FGF13: variants seen among roughly 807,000 people sequenced by gnomAD.
The protein encoded by FGF13 is fibroblast growth factor homologous factor 2.
In FGF13, 2 loss-of-function variants were observed where a neutral mutation model predicts 19.5. The ratio of observed to expected loss-of-function variants is 0.10; its 90% CI spans 0.04 to 0.32. The LOEUF is 0.32. FGF13 is among the 10% of genes least tolerant of loss of function. The pLI, the probability that FGF13 is intolerant of heterozygous loss-of-function variation, is 1.00. For synonymous variants in FGF13, 72 were observed against 76.9 expected, an observed-to-expected ratio of 0.94 and a Z score of 0.33; for missense variants, 113 against 192.7, an observed-to-expected ratio of 0.59 and a Z score of 2.45.
chrX:139,163,158 A>G (rs1022488599), intron 1 of FGF13, among the ~76,000 whole-genome samples: 18 of 112,248 alleles, frequency 1.6e-4, no homozygotes, highest in Non-Finnish European at 2.8e-4. Flanking sequence ...CCCATCAATG[A>G]TAGACTGGAT....
At chrX:138,908,139 C>T (rs1438044605) in intron 1 of FGF13, among the ~76,000 whole-genome samples, 2 of 53,564 alleles carry the variant, frequency 3.7e-5, no homozygotes, top group South Asian at 8.0e-4. Context: ...GGCGCTATCT[C>T]GGCTCACTGC....
At chrX:138,769,635 G>A (rs903942005) in intron 3 of FGF13, among the ~76,000 whole-genome samples, 2 of 112,320 alleles carry the variant, frequency 1.8e-5, no homozygotes, top group Admixed American at 9.4e-5. Context: ...TGAGATTAGC[G>A]TTGGTGTGGG....
At chrX:138,713,964 C>A (rs1006058948), upstream of FGF13, among the ~76,000 whole-genome samples, 9 of 111,442 alleles carry the variant, frequency 8.1e-5, no homozygotes, top group African/African-American at 2.9e-4. Flanking sequence ...TTGTAGATGT[C>A]CTTCTTGCTC....
intron 1 of FGF13, among the ~76,000 whole-genome samples, chrX:139,016,215 A>G (rs1194527665): frequency 8.9e-6 from 1 of 111,985 alleles, no homozygotes; most frequent in East Asian, 2.8e-4. Flanking sequence ...TCTCATTTAA[A>G]TGTGAATTAT....
chrX:139,064,590 C>T (rs1021190168), intron 1 of FGF13, among the ~76,000 whole-genome samples: 2 of 111,427 alleles, frequency 1.8e-5, no homozygotes, highest in Admixed American at 1.9e-4. Context: ...ACCTTTCTCT[C>T]TGGCTGATCT....
chrX:139,104,376 G>A (rs2083541783), intron 1 of FGF13, among the ~76,000 whole-genome samples: 1 of 109,377 alleles, frequency 9.1e-6, no homozygotes, highest in African/African-American at 3.3e-5. Context: ...AAGCAGAAGA[G>A]TGAAACTTAA....
chrX:138,947,450 T>A (rs980147690), intron 1 of FGF13, among the ~76,000 whole-genome samples: 1 of 111,257 alleles, frequency 9.0e-6, no homozygotes, highest in African/African-American at 3.3e-5. Flanking sequence ...TTTTCTCATA[T>A]GAAAATGGGG....
At chrX:138,978,453 G>A (rs1026892865) in intron 1 of FGF13, among the ~76,000 whole-genome samples, 7 of 109,930 alleles carry the variant, frequency 6.4e-5, no homozygotes, top group East Asian at 2.9e-4. Flanking sequence ...TAGTAGAGAC[G>A]GGGTTTCACC....
At chrX:138,750,491 G>A (rs1225371265) in intron 3 of FGF13, among the ~76,000 whole-genome samples, 1 of 110,699 alleles carries the variant, frequency 9.0e-6, no homozygotes, top group East Asian at 2.8e-4. Context: ...TTGTAAATGG[G>A]GGGGTGGGCT....
At chrX:138,852,952 G>GA (rs1293999251), downstream of FGF13, among the ~76,000 whole-genome samples, 90 of 104,574 alleles carry the variant, frequency 8.6e-4, no homozygotes, top group African/African-American at 2.7e-3. Flanking sequence ...AAACACATTA[G>GA]AAAAAAAAAA....
chrX:139,070,990 G>T (rs978275232), intron 1 of FGF13, among the ~76,000 whole-genome samples: 2 of 108,765 alleles, frequency 1.8e-5, no homozygotes, highest in Non-Finnish European at 3.8e-5. Context: ...CCTACTGGGG[G>T]GTGGAGGAGG....
intron 3 of FGF13, among the ~76,000 whole-genome samples, chrX:138,843,490 C>T (rs746982105): frequency 8.9e-6 from 1 of 111,866 alleles, no homozygotes; most frequent in East Asian, 2.8e-4. Context: ...AGAGGTAGGT[C>T]CATGAATGCA....
intron 1 of FGF13, among the ~76,000 whole-genome samples, chrX:138,738,166 C>T (rs2090293395): frequency 8.9e-6 from 1 of 111,769 alleles, no homozygotes; most frequent in South Asian, 3.7e-4. Flanking sequence ...GCCTATTAAT[C>T]CCAGTTAATT....
chrX:138,828,723 A>AT (rs565968670), intron 3 of FGF13, among the ~76,000 whole-genome samples: 1,297 of 104,068 alleles, frequency 0.012, 11 homozygotes, highest in South Asian at 0.049. Flanking sequence ...TATTAGAAGT[A>AT]TTTTTTTTTT....
At chrX:139,108,160 T>C (rs923765058) in intron 1 of FGF13, among the ~76,000 whole-genome samples, 1 of 112,358 alleles carries the variant, frequency 8.9e-6, no homozygotes, top group African/African-American at 3.2e-5. Flanking sequence ...TCGTGAGTTA[T>C]AGATCTCAGT....
Position 138,919,214 on chromosome X carries a change from C to T in FGF13, c.-112-54564G>A, listed in dbSNP as rs146783094. ...AGGACAACATTTGTGGTATATTTAACGAGGATTAGTGCTAATAATTTAAAA... is the reference window on the plus strand; with the variant it reads ...AGGACAACATTTGTGGTATATTTAATGAGGATTAGTGCTAATAATTTAAAA... On this transcript the variant is annotated intron_variant, in intron 1 of 2. Coordinates refer to the FGF13 transcript ENST00000421460. 9.5e-3 allele frequency among the ~76,000 whole-genome samples: 1,062 copies of T among 111,254 alleles called. 13 individuals are homozygous for T. Among genetic ancestry groups the T allele is most frequent in the African/African-American group, 0.033 (999 of 30,602 alleles).
At chrX:139,133,881 C>G (rs967773131) in intron 1 of FGF13, among the ~76,000 whole-genome samples, 1 of 111,983 alleles carries the variant, frequency 8.9e-6, no homozygotes, top group Non-Finnish European at 1.9e-5. Context: ...ACTTTCTGAG[C>G]ACTAGTTTCC....
chrX:138,737,317 G>C (rs1449249894), intron 1 of FGF13, among the ~76,000 whole-genome samples: 1 of 111,672 alleles, frequency 9.0e-6, no homozygotes, highest in African/African-American at 3.3e-5. Context: ...CTTGCGACTC[G>C]CCATTCTTTG....
At chrX:138,648,005 A>G (rs975795431) in intron 3 of FGF13, among the ~76,000 whole-genome samples, 4 of 112,267 alleles carry the variant, frequency 3.6e-5, no homozygotes, top group Non-Finnish European at 5.6e-5. Context: ...AAATAATTCT[A>G]CAGTCACCCT....
Sources: gnomAD v4.1 joint callset for allele counts (sites outside exome capture counted in the v4.1 genomes callset) on GRCh38, gnomAD v4.1.1 for gene constraint, MANE v1.5 for transcripts, NCBI Gene and HGNC (gene_info 2026-07-23, HGNC 2026-07-21) for gene names.